The following SH3GL2 variants were observed in gnomAD, a reference collection of about 807,000 sequenced individuals.
The protein encoded by SH3GL2 is endophilin-A1.
In SH3GL2, 24 loss-of-function variants were observed where a neutral mutation model predicts 46.0. The observed-to-expected ratio is 0.52, with a 90% CI of 0.38 to 0.73. The LOEUF is 0.73. Among genes scored for constraint, SH3GL2 ranks in the 30% least tolerant of loss-of-function variants. The pLI, the probability that SH3GL2 is intolerant of heterozygous loss-of-function variation, is 0.00. For missense variants in SH3GL2, 413 were observed against 424.2 expected, an observed-to-expected ratio of 0.97 and a Z score of 0.23; for synonymous variants, 196 against 147.1, an observed-to-expected ratio of 1.33 and a Z score of -2.40.
intron 1 of SH3GL2, among the ~76,000 whole-genome samples, chr9:17,716,867 G>T (rs1377967265): frequency 6.6e-6 from 1 of 152,064 alleles, no homozygotes; most frequent in Admixed American, 6.6e-5. Context: ...TTTCCTCTCA[G>T]TCAGGGATCT....
At chr9:17,714,770 G>A (rs57336091) in intron 1 of SH3GL2, among the ~76,000 whole-genome samples, 34,322 of 151,496 alleles carry the variant, frequency 0.23, 7,014 homozygotes, top group African/African-American at 0.54. Context: ...TCTTTTAATA[G>A]GTTTTAACAA....
At chr9:17,595,528 T>C (rs1284751078) in intron 1 of SH3GL2, among the ~76,000 whole-genome samples, 2 of 152,234 alleles carry the variant, frequency 1.3e-5, no homozygotes, top group African/African-American at 2.4e-5. Flanking sequence ...TTCTCTTCCC[T>C]GTAATTCTGT....
intron 1 of SH3GL2, among the ~76,000 whole-genome samples, chr9:17,620,431 A>T (rs1448732192): frequency 6.6e-6 from 1 of 152,190 alleles, no homozygotes; most frequent in African/African-American, 2.4e-5. Flanking sequence ...TATTACTCCC[A>T]ACAACCCTAT....
At chr9:17,746,917 T>G in intron 1 of SH3GL2, 149 bp from the exon 2 acceptor site, 1 of 601,222 alleles carries the variant, frequency 1.7e-6, no homozygotes. Context: ...GAGCCACAGT[T>G]TGCTGCTATA....
intron 1 of SH3GL2, among the ~76,000 whole-genome samples, chr9:17,616,902 G>A (rs1016934028): frequency 4.6e-5 from 7 of 152,296 alleles, no homozygotes; most frequent in East Asian, 1.9e-4. Flanking sequence ...AGACAGTGAT[G>A]TCTGAATTCT....
chr9:17,722,300 T>A (rs750471805), intron 1 of SH3GL2, among the ~76,000 whole-genome samples: 1 of 152,108 alleles, frequency 6.6e-6, no homozygotes, highest in South Asian at 2.1e-4. Flanking sequence ...TTAGACAAAA[T>A]GTCAGTTGTC....
At chr9:17,767,081 T>C (rs944274303) in intron 3 of SH3GL2, among the ~76,000 whole-genome samples, 1 of 152,208 alleles carries the variant, frequency 6.6e-6, no homozygotes, top group African/African-American at 2.4e-5. Context: ...CTTACCCTGA[T>C]GTGATAATCT....
In SH3GL2 at chr9:17,651,186, A is replaced by T. The variant is rs541064686; in HGVS notation, c.45+71899A>T. ...CTTTTGCTTTATTTTCTTGAAAAAA[A>T]TGTCTAAGCCATTTTTTTCTCCATG... On this transcript the variant is annotated intron_variant, in intron 1 of 8. Coordinates refer to ENST00000380607, the MANE Select transcript of SH3GL2 (RefSeq NM_003026.5). Among the ~76,000 whole-genome samples, 10 of 152,220 alleles carry T rather than the reference A, an allele frequency of 6.6e-5. No homozygotes were observed. The South Asian group carries it at 1.9e-3, about 28-fold the overall frequency.
At chr9:17,592,304 A>G (rs1446197617) in intron 1 of SH3GL2, among the ~76,000 whole-genome samples, 3 of 152,186 alleles carry the variant, frequency 2.0e-5, no homozygotes, top group African/African-American at 4.8e-5. Context: ...TGCTCAGTCT[A>G]CTGATTCAGA....
intron 3 of SH3GL2, among the ~76,000 whole-genome samples, chr9:17,770,889 A>T (rs1170125357): frequency 6.6e-6 from 1 of 152,172 alleles, no homozygotes; most frequent in African/African-American, 2.4e-5. Flanking sequence ...GTGAGCCTGG[A>T]TGCAGACTTC....
intron 2 of SH3GL2, among the ~76,000 whole-genome samples, chr9:17,752,122 A>G (rs367989374): frequency 5.3e-5 from 8 of 152,226 alleles, no homozygotes; most frequent in Non-Finnish European, 8.8e-5. Context: ...TTCTGAAAAC[A>G]TAAGATAATG....
At chr9:17,705,502 G>C (rs781383740) in intron 1 of SH3GL2, among the ~76,000 whole-genome samples, 1 of 151,836 alleles carries the variant, frequency 6.6e-6, no homozygotes. Context: ...AAATGGACTT[G>C]ATATAGAAAA....
chr9:17,703,770 C>A (rs117689109), intron 1 of SH3GL2, among the ~76,000 whole-genome samples: 9,765 of 152,072 alleles, frequency 0.064, 445 homozygotes, highest in Admixed American at 0.12. Context: ...ATGTTAAAAA[C>A]CCTTGACAAA....
At chr9:17,613,261 A>G (rs1418580705) in intron 1 of SH3GL2, among the ~76,000 whole-genome samples, 1 of 152,230 alleles carries the variant, frequency 6.6e-6, no homozygotes, top group Non-Finnish European at 1.5e-5. Context: ...GAAGCAAAAC[A>G]TTAGTATTTT....
intron 1 of SH3GL2, among the ~76,000 whole-genome samples, chr9:17,717,845 C>T (rs949907535): frequency 2.0e-5 from 3 of 152,076 alleles, no homozygotes; most frequent in Admixed American, 1.3e-4. Flanking sequence ...AGCAGCTGCT[C>T]CATACCCATT....
At chr9:17,617,640 T>C (rs772439881) in intron 1 of SH3GL2, among the ~76,000 whole-genome samples, 11 of 152,022 alleles carry the variant, frequency 7.2e-5, no homozygotes, top group African/African-American at 1.2e-4. Flanking sequence ...TGGGAAAAAA[T>C]AGTTTGGGAA....
At chr9:17,682,585 G>A (rs1461979344) in intron 1 of SH3GL2, among the ~76,000 whole-genome samples, 2 of 151,566 alleles carry the variant, frequency 1.3e-5, no homozygotes, top group African/African-American at 4.8e-5. Context: ...GGAACTTAGA[G>A]GATGGGTCAA....
chr9:17,687,483 A>G (rs1201317373), intron 1 of SH3GL2, among the ~76,000 whole-genome samples: 2 of 151,924 alleles, frequency 1.3e-5, no homozygotes, highest in South Asian at 4.1e-4. Flanking sequence ...GTTCAATACA[A>G]ACTTTTTTAA....
chr9:17,671,695 G>T (rs1434677592), intron 1 of SH3GL2, among the ~76,000 whole-genome samples: 1 of 152,156 alleles, frequency 6.6e-6, no homozygotes, highest in South Asian at 2.1e-4. Flanking sequence ...AGAAGCCTCT[G>T]ACTAACCTTT....
Sources: gnomAD v4.1 joint callset for allele counts (sites outside exome capture counted in the v4.1 genomes callset) on GRCh38, gnomAD v4.1.1 for gene constraint, MANE v1.5 for transcripts, NCBI Gene and HGNC (gene_info 2026-07-23, HGNC 2026-07-21) for gene names.